Variants in F2RL1 observed in about 807,000 individuals in gnomAD.
F2RL1 encodes proteinase-activated receptor 2.
A neutral mutation model predicts 21.7 loss-of-function variants in F2RL1; 16 were observed. The observed-to-expected ratio is 0.74, with a 90% CI of 0.50 to 1.12. The LOEUF is 1.12. F2RL1 is among the 50% of genes most tolerant of loss of function. F2RL1 has a pLI of 0.00. For missense variants in F2RL1, 432 were observed against 477.8 expected (o/e 0.90, Z 0.89); for synonymous variants, 181 against 186.7 (o/e 0.97, Z 0.25).
intron 1 of F2RL1, 59 bp from the exon 2 acceptor site, chr5:76,832,631 C>A: frequency 6.9e-7 from 1 of 1,450,104 alleles, no homozygotes; most frequent in East Asian, 2.3e-5. Context: ...TTGAACAAAC[C>A]AGTGTTACTG....
At chr5:76,830,234 C>G (rs1235050921) in intron 1 of F2RL1, among the ~76,000 whole-genome samples, 1 of 152,186 alleles carries the variant, frequency 6.6e-6, no homozygotes, top group Non-Finnish European at 1.5e-5. Flanking sequence ...ACTCACTCCT[C>G]TGGCTTCTCC....
chr5:76,824,266 A>C (rs1028645659), intron 1 of F2RL1, among the ~76,000 whole-genome samples: 1 of 142,486 alleles, frequency 7.0e-6, no homozygotes, highest in African/African-American at 2.6e-5. Flanking sequence ...TTTTAGACGG[A>C]GCTCCCAAGT....
At chr5:76,824,515 G>C (rs924835177) in intron 1 of F2RL1, among the ~76,000 whole-genome samples, 3 of 151,912 alleles carry the variant, frequency 2.0e-5, no homozygotes, top group African/African-American at 7.3e-5. Flanking sequence ...TTTTAGTAGA[G>C]ACGGGGTTTC....
At position 76,833,026 on chromosome 5, in the gene F2RL1, A is replaced by G. The variant is rs759369015; in HGVS notation, c.419A>G (p.Asn140Ser). 7 of 1,614,166 alleles carry G rather than the reference A, an allele frequency of 4.3e-6. No homozygotes were observed. The highest frequency in any genetic ancestry group is 5.9e-6 in the Non-Finnish European group (7 of 1,179,978). The change falls in exon 2 of 2, where the codon AAC (asparagine) becomes AGC (serine). Residue 140 changes from asparagine to serine, a missense_variant. By Grantham distance (46) the Asn-to-Ser change is conservative (BLOSUM62 1). Transcript: ENST00000296677. ...LKIAYHIHGN[N>S]WIYGEALCNV... ...ATTGCCTATCACATACATGGCAACA[A>G]CTGGATTTATGGGGAAGCTCTTTGT...
At chr5:76,819,467 G>A (rs1750088336) in intron 1 of F2RL1, among the ~76,000 whole-genome samples, 1 of 152,174 alleles carries the variant, frequency 6.6e-6, no homozygotes. Context: ...TGCGGGAGCA[G>A]CTGAAGTCAG....
At chr5:76,825,970 C>G (rs1006809251) in intron 1 of F2RL1, among the ~76,000 whole-genome samples, 2 of 152,094 alleles carry the variant, frequency 1.3e-5, no homozygotes, top group Non-Finnish European at 2.9e-5. Flanking sequence ...GCTTTCCTGA[C>G]TTGGTACATG....
Position 76,834,805 on chromosome 5 carries a change from G to A in F2RL1, c.*1004G>A, listed in dbSNP as rs929658241. ...CTGAATGCTGCTTCCATTTGACAAAGTGCCGTGATAATTTTTGAAAAGAGA... is the reference window on the plus strand; with the variant it reads ...CTGAATGCTGCTTCCATTTGACAAAATGCCGTGATAATTTTTGAAAAGAGA... On this transcript the variant is annotated 3_prime_UTR_variant, in exon 2 of 2. Coordinates refer to ENST00000296677, the MANE Select transcript of F2RL1 (RefSeq NM_005242.6). The A allele has an allele frequency of 2.6e-5, 4 of 152,330 alleles. No individual in the cohort carries two copies. The highest frequency in any genetic ancestry group is 1.9e-4 in the East Asian group (1 of 5,250). The allele number at this position is 152,330 out of a possible 1,614,324, so 9.4% of individuals were successfully genotyped here.
chr5:76,829,980 A>G (rs1580934903), intron 1 of F2RL1, among the ~76,000 whole-genome samples: 1 of 152,202 alleles, frequency 6.6e-6, no homozygotes, highest in South Asian at 2.1e-4. Context: ...TATCCTAAGC[A>G]TATTAGTTTC....
chr5:76,819,382 T>C (rs1261425856), intron 1 of F2RL1, 118 bp downstream of exon 1: 1 of 847,688 alleles, frequency 1.2e-6, no homozygotes, highest in African/African-American at 1.7e-5. Context: ...GGCACCCATC[T>C]CTACGAATCC....
At chr5:76,825,886 C>T (rs919912125) in intron 1 of F2RL1, among the ~76,000 whole-genome samples, 3 of 152,158 alleles carry the variant, frequency 2.0e-5, no homozygotes, top group Non-Finnish European at 4.4e-5. Context: ...TGTTATATTG[C>T]CATTCCTTGC....
At chr5:76,827,889 G>A (rs1318660446) in intron 1 of F2RL1, among the ~76,000 whole-genome samples, 3 of 152,046 alleles carry the variant, frequency 2.0e-5, no homozygotes, top group Non-Finnish European at 4.4e-5. Context: ...GAGCCACTGC[G>A]TCCAGCCATA....
chr5:76,822,591 T>A (rs561003957), intron 1 of F2RL1, among the ~76,000 whole-genome samples: 4 of 152,212 alleles, frequency 2.6e-5, no homozygotes, highest in Non-Finnish European at 5.9e-5. Context: ...TTTGCTTGCT[T>A]TGTAGTTACT....
At chr5:76,827,685 C>T (rs937173651) in intron 1 of F2RL1, among the ~76,000 whole-genome samples, 3 of 150,426 alleles carry the variant, frequency 2.0e-5, no homozygotes, top group South Asian at 2.1e-4. Flanking sequence ...CTGCAACCTC[C>T]GCCTCCCAAG....
At chr5:76,831,535 A>ATTT (rs3053251) in intron 1 of F2RL1, among the ~76,000 whole-genome samples, 61,720 of 133,790 alleles carry the variant, frequency 0.46, 15,046 homozygotes, top group South Asian at 0.69. Context: ...TCCTAAACTG[A>ATTT]TTTTTTTTTT....
At position 76,834,399 on chromosome 5, in the gene F2RL1, T is replaced by G. The variant is rs1321970485; in HGVS notation, c.*598T>G. ...TGCCTCATGCCTGTAATCCTAGCAC[T>G]TTGGGAGGCTGAGGCAGGCAATCAC... On this transcript the variant is annotated 3_prime_UTR_variant, in exon 2 of 2. Coordinates refer to ENST00000296677, the MANE Select transcript of F2RL1 (RefSeq NM_005242.6). 3 of 152,226 alleles carry G rather than the reference T, an allele frequency of 2.0e-5. No individual in the cohort carries two copies. The highest frequency in any genetic ancestry group is 2.9e-5 in the Non-Finnish European group (2 of 68,068). 9.4% of individuals were successfully genotyped at this position (152,226 alleles called of 1,614,324 possible).
intron 1 of F2RL1, among the ~76,000 whole-genome samples, chr5:76,821,431 T>G (rs1338250249): frequency 3.9e-5 from 6 of 152,116 alleles, no homozygotes; most frequent in Admixed American, 3.9e-4. Flanking sequence ...GGCTGGTCCA[T>G]GTGGTGTTCA....
In F2RL1 at chr5:76,834,676, C is replaced by G. The variant is rs937243315; in HGVS notation, c.*875C>G. The G allele has an allele frequency of 6.6e-6, 1 of 152,116 alleles. No homozygotes were observed. Among genetic ancestry groups the G allele is most frequent in the Admixed American group, 6.6e-5 (1 of 15,264 alleles). 9.4% of individuals were successfully genotyped at this position (152,116 alleles called of 1,614,324 possible). ...TGAATCTTGTTCAAAATGCAGATTC[C>G]TCAGATTCAATAATGAGAGCTCAGA... On this transcript the variant is annotated 3_prime_UTR_variant, in exon 2 of 2. Coordinates refer to ENST00000296677, the MANE Select transcript of F2RL1 (RefSeq NM_005242.6).
intron 1 of F2RL1, among the ~76,000 whole-genome samples, chr5:76,821,012 G>A (rs1035587194): frequency 4.6e-5 from 7 of 152,068 alleles, no homozygotes; most frequent in Non-Finnish European, 1.0e-4. Flanking sequence ...CTGCCCTCAG[G>A]GTGGGTCTTT....
chr5:76,824,958 G>A (rs1750211740), intron 1 of F2RL1, among the ~76,000 whole-genome samples: 1 of 151,160 alleles, frequency 6.6e-6, no homozygotes, highest in Admixed American at 6.6e-5. Flanking sequence ...TTTATTGTTT[G>A]GTGGATATCC....
Sources: allele counts gnomAD v4.1 joint callset (sites outside exome capture counted in the v4.1 genomes callset), GRCh38; gene constraint gnomAD v4.1.1; transcripts MANE v1.5; gene names NCBI Gene and HGNC (gene_info 2026-07-23, HGNC 2026-07-21).